AP2A1: variants seen among roughly 807,000 people sequenced by gnomAD.
AP2A1 encodes adaptor related protein complex 2 subunit alpha 1, also known as AP-2 complex subunit alpha-1.
In AP2A1, 21 loss-of-function variants were observed where a neutral mutation model predicts 107.3. That is an observed-to-expected ratio of 0.20 (90% CI 0.14 to 0.28). AP2A1 has a LOEUF of 0.28. AP2A1 is among the 10% of genes least tolerant of loss of function. AP2A1 has a pLI of 1.00. For missense variants in AP2A1, 873 were observed against 1,307.7 expected, an observed-to-expected ratio of 0.67 and a Z score of 5.13; for synonymous variants, 602 against 564.8, an observed-to-expected ratio of 1.07 and a Z score of -0.93.
chr19:49,783,236 C>T (rs561888066), intron 4 of AP2A1, among the ~76,000 whole-genome samples: 15 of 152,252 alleles, frequency 9.9e-5, no homozygotes, highest in African/African-American at 1.9e-4. Flanking sequence ...CTCATGTAAT[C>T]GCTGCATTTG....
At position 49,802,350 on chromosome 19, in the gene AP2A1, C is replaced by T. The variant is rs778254227; in HGVS notation, c.2114+209C>T. 5 of 855,054 alleles carry T rather than the reference C, an allele frequency of 5.8e-6. No homozygotes were observed. The African/African-American group carries it at 8.3e-5, about 14-fold the overall frequency. The allele number at this position is 855,054 out of a possible 1,614,324, so 53.0% of individuals were successfully genotyped here. ...TCTGCCACTCTGGACTCCGCCGACCCTGGCCACCCTTCGTTGTCTCCTTTC... is the reference window on the plus strand; with the variant it reads ...TCTGCCACTCTGGACTCCGCCGACCTTGGCCACCCTTCGTTGTCTCCTTTC... On this transcript the variant is annotated intron_variant, in intron 15 of 22. Coordinates refer to ENST00000354293, the MANE Select transcript of AP2A1 (RefSeq NM_130787.3).
Position 49,785,621 on chromosome 19 carries a change from T to C in AP2A1, c.473+2897T>C, listed in dbSNP as rs1306175954. 2.0e-5 allele frequency among the ~76,000 whole-genome samples: 3 copies of C among 151,826 alleles called. No homozygotes were observed. Among genetic ancestry groups the C allele is most frequent in the Non-Finnish European group, 4.4e-5 (3 of 67,932 alleles). ...AGATCGGCACCGTCCAATAAAAATA[T>C]AATGCAAAATACAGGCCAGGCACAG... On this transcript the variant is annotated intron_variant, in intron 4 of 22. Coordinates refer to ENST00000354293, the MANE Select transcript of AP2A1 (RefSeq NM_130787.3). This position sits in a 1 kb window ranked among gnomAD's most constrained non-coding sequence, Gnocchi z 4.1.
chr19:49,806,399 TTATC>T (rs2073384896), intron 22 of AP2A1, 146 bp downstream of exon 22: 11 of 1,437,796 alleles, frequency 7.7e-6, no homozygotes, highest in South Asian at 4.5e-5. Context: ...TTACTCCTCT[TTATC>T]TATCAGTTTA....
chr19:49,801,908 G>A lies in AP2A1; in HGVS notation c.1953+19G>A. Reference sequence around the variant, plus strand: ...CACTGTGGTGAGTCCCCTGGGGTGGGCCCTGCCAGGGTGCCTGGGGCTGGG... The same window carrying A: ...CACTGTGGTGAGTCCCCTGGGGTGGACCCTGCCAGGGTGCCTGGGGCTGGG... On this transcript the variant is annotated intron_variant, in intron 14 of 22. Coordinates refer to ENST00000354293, the MANE Select transcript of AP2A1 (RefSeq NM_130787.3). 1 of 1,464,138 alleles carries A rather than the reference G, an allele frequency of 6.8e-7. No individual in the cohort carries two copies. The highest frequency in any genetic ancestry group is 9.0e-7 in the Non-Finnish European group (1 of 1,111,758). The allele number at this position is 1,464,138 out of a possible 1,614,324, so 90.7% of individuals were successfully genotyped here. A position where few individuals can be genotyped will look rare whatever the true frequency, so the allele number is the denominator to read the frequency against.
rs556805193 is a variant in AP2A1, at chr19:49,786,579, C to T, written c.473+3855C>T. On this transcript the variant is annotated intron_variant, in intron 4 of 22. Coordinates refer to ENST00000354293, the MANE Select transcript of AP2A1 (RefSeq NM_130787.3). The stretch of plus-strand genomic sequence containing the variant: ...CTTGAGTGGCCCTGGTGCAGCCCAG[C>T]GTGTTACGCTCTGGCAGGGGGGGTG... Among the ~76,000 whole-genome samples the T allele has an allele frequency of 4.6e-5, 7 of 152,016 alleles. 1 individual carries two copies. In the South Asian group the frequency reaches 1.0e-3, roughly 23 times the overall value.
chr19:49,773,220 C>A (rs1387065887), intron 1 of AP2A1, among the ~76,000 whole-genome samples: 1 of 152,214 alleles, frequency 6.6e-6, no homozygotes, highest in East Asian at 1.9e-4. Context: ...AGCAGGAATA[C>A]AGCAGAAGTA....
At chr19:49,791,810 G>C (rs982877688) in intron 4 of AP2A1, 125 bp from the exon 5 acceptor site, 133 of 1,291,110 alleles carry the variant, frequency 1.0e-4, no homozygotes, top group Admixed American at 6.9e-4. Flanking sequence ...TCCTGCGGCC[G>C]CCTGGCTGTC....
At chr19:49,772,246 G>GTTTTTTTTTTTTTTTTTTTTTT (rs71180653) in intron 1 of AP2A1, among the ~76,000 whole-genome samples, 1 of 56,154 alleles carries the variant, frequency 1.8e-5, no homozygotes, top group African/African-American at 6.9e-5. Context: ...TTTTCATAGA[G>GTTTTTTTTTTTTTTTTTTTTTT]TTTTTTTTTT....
intron 18 of AP2A1, among the ~76,000 whole-genome samples, chr19:49,804,715 G>T (rs1365896257): frequency 6.6e-6 from 1 of 152,130 alleles, no homozygotes; most frequent in African/African-American, 2.4e-5. Context: ...CATGTGCCGG[G>T]CACACAGACA....
intron 18 of AP2A1, chr19:49,804,686 AC>A (rs1188815639): frequency 6.6e-6 from 1 of 152,108 alleles, no homozygotes; most frequent in Non-Finnish European, 1.5e-5. Context: ...ACTAATTGCT[AC>A]CATCTTTGTG....
chr19:49,805,003 C>G (rs1352797883), intron 18 of AP2A1: 2 of 157,604 alleles, frequency 1.3e-5, no homozygotes, highest in African/African-American at 4.8e-5. Flanking sequence ...AACTTCTGGG[C>G]TCAAGGCATC....
chr19:49,778,309 G>A (rs537152293), intron 1 of AP2A1, among the ~76,000 whole-genome samples: 3 of 152,294 alleles, frequency 2.0e-5, no homozygotes, highest in South Asian at 2.1e-4. Flanking sequence ...GTGGCCAGGC[G>A]TGGTGGCTTA....
chr19:49,805,359 G>A, intron 18 of AP2A1, 94 bp from the exon 19 acceptor site: 2 of 1,381,334 alleles, frequency 1.4e-6, no homozygotes, highest in Non-Finnish European at 1.9e-6. Context: ...TCAAAGACCT[G>A]CAGGCGGGAG....
At chr19:49,783,997 G>T (rs1023287258) in intron 4 of AP2A1, among the ~76,000 whole-genome samples, 1 of 152,122 alleles carries the variant, frequency 6.6e-6, no homozygotes, top group African/African-American at 2.4e-5. Flanking sequence ...AAGCAAACAC[G>T]AGCCTTTTCT....
chr19:49,775,858 C>G (rs1159420020), intron 1 of AP2A1, among the ~76,000 whole-genome samples: 1 of 152,194 alleles, frequency 6.6e-6, no homozygotes, highest in Non-Finnish European at 1.5e-5. Flanking sequence ...CATAAATGCA[C>G]ATTAGTCCCT....
intron 18 of AP2A1, chr19:49,804,400 G>T (rs2073333826): frequency 6.6e-6 from 1 of 151,970 alleles, no homozygotes; most frequent in Non-Finnish European, 1.5e-5. Flanking sequence ...AATTAGCCGG[G>T]CGTGGTGGTG....
intron 1 of AP2A1, among the ~76,000 whole-genome samples, chr19:49,779,154 C>T (rs1259498660): frequency 6.6e-6 from 1 of 151,556 alleles, no homozygotes; most frequent in African/African-American, 2.4e-5. Context: ...GGCTAACATG[C>T]TGAAACCCCA....
At chr19:49,792,852 G>A (rs1242622374) in intron 5 of AP2A1, 139 bp from the exon 6 acceptor site, 4 of 740,734 alleles carry the variant, frequency 5.4e-6, no homozygotes, top group Non-Finnish European at 8.9e-6. Flanking sequence ...CCTAAAGCAC[G>A]CACAGTGACA....
At chr19:49,805,998 T>C in intron 21 of AP2A1, 57 bp downstream of exon 21, 1 of 1,613,020 alleles carries the variant, frequency 6.2e-7, no homozygotes, top group Non-Finnish European at 8.5e-7. Flanking sequence ...TCTGAGCCTC[T>C]GTTTTCCCAT....
Sources: allele counts gnomAD v4.1 joint callset (sites outside exome capture counted in the v4.1 genomes callset), GRCh38; gene constraint gnomAD v4.1.1; non-coding constraint Gnocchi (gnomAD v3.1); transcripts MANE v1.5; gene names NCBI Gene and HGNC (gene_info 2026-07-23, HGNC 2026-07-21).